GRIA1: variants seen among roughly 807,000 people sequenced by gnomAD.
GRIA1 encodes glutamate ionotropic receptor AMPA type subunit 1, also known as glutamate receptor 1.
In GRIA1, 31 loss-of-function variants were observed where a neutral mutation model predicts 99.2. That is an observed-to-expected ratio of 0.31 (90% CI 0.23 to 0.42). The LOEUF (loss-of-function observed/expected upper bound fraction) is 0.42. Ranked by LOEUF, GRIA1 falls within the 10% of genes least tolerant of loss-of-function variation. The pLI, the probability that GRIA1 is intolerant of heterozygous loss-of-function variation, is 1.00. For synonymous variants in GRIA1, 438 were observed against 432.4 expected (o/e 1.01, Z -0.16); for missense variants, 782 against 1,157.5 (o/e 0.68, Z 4.71).
intron 2 of GRIA1, among the ~76,000 whole-genome samples, chr5:153,595,512 C>A (rs141706371): frequency 6.6e-6 from 1 of 152,032 alleles, no homozygotes; most frequent in East Asian, 1.9e-4. Context: ...TCTTTGAGGG[C>A]AGAGTGTCTA....
chr5:153,777,513 A>T (rs1764335446), intron 13 of GRIA1, among the ~76,000 whole-genome samples: 1 of 152,128 alleles, frequency 6.6e-6, no homozygotes, highest in East Asian at 1.9e-4. Flanking sequence ...TGATGATCTG[A>T]TGAAATAGCA....
At chr5:153,610,707 C>T (rs576372100) in intron 2 of GRIA1, among the ~76,000 whole-genome samples, 1 of 152,272 alleles carries the variant, frequency 6.6e-6, no homozygotes, top group South Asian at 2.1e-4. Context: ...GCAATTTCCC[C>T]ATTTATAAAA....
intron 11 of GRIA1, among the ~76,000 whole-genome samples, chr5:153,756,660 G>C (rs1221138993): frequency 2.6e-5 from 4 of 152,076 alleles, no homozygotes; most frequent in African/African-American, 4.8e-5. Context: ...CTCTTCTCTA[G>C]GTCCAACCAA....
intron 2 of GRIA1, among the ~76,000 whole-genome samples, chr5:153,558,918 C>T (rs1468237062): frequency 6.6e-6 from 1 of 152,102 alleles, no homozygotes; most frequent in African/African-American, 2.4e-5. Context: ...GTGTTGGGTT[C>T]TTTAAGCTCT....
intron 11 of GRIA1, among the ~76,000 whole-genome samples, chr5:153,751,701 T>C (rs566575478): frequency 1.3e-4 from 20 of 152,260 alleles, no homozygotes; most frequent in Middle Eastern, 3.4e-3. Flanking sequence ...CTGCAATGAA[T>C]CCTAATCAAT....
At position 153,507,569 on chromosome 5, in the gene GRIA1, T is replaced by A. The variant is rs368669311; in HGVS notation, c.220+13504T>A. Among the ~76,000 whole-genome samples the A allele has an allele frequency of 3.1e-4, 47 of 152,334 alleles. No individual in the cohort carries two copies. The South Asian group carries it at 8.9e-3, about 29-fold the overall frequency. On this transcript the variant is annotated intron_variant, in intron 2 of 15. Transcript: ENST00000285900. The stretch of plus-strand genomic sequence containing the variant: ...TGGGTGTCTGGTTTCAACTTCTCCA[T>A]ATAATCAATATTATGTGTTGATTTC...
chr5:153,739,629 C>T (rs1244642693), intron 11 of GRIA1, among the ~76,000 whole-genome samples: 1 of 152,214 alleles, frequency 6.6e-6, no homozygotes, highest in Non-Finnish European at 1.5e-5. Flanking sequence ...AGCATACTCA[C>T]AGTAAATTAC....
At chr5:153,560,970 A>T (rs1761072968) in intron 2 of GRIA1, among the ~76,000 whole-genome samples, 1 of 151,658 alleles carries the variant, frequency 6.6e-6, no homozygotes, top group Admixed American at 6.6e-5. Flanking sequence ...TAGATCTGAG[A>T]CAAAGGAGCA....
At chr5:153,724,588 T>G (rs2149546294) in intron 11 of GRIA1, among the ~76,000 whole-genome samples, 1 of 152,304 alleles carries the variant, frequency 6.6e-6, no homozygotes, top group South Asian at 2.1e-4. Flanking sequence ...GCTTGAGAAC[T>G]ACGTGAAGAA....
intron 2 of GRIA1, among the ~76,000 whole-genome samples, chr5:153,600,265 G>A (rs944668048): frequency 9.2e-5 from 14 of 151,736 alleles, no homozygotes; most frequent in African/African-American, 3.1e-4. Context: ...GGTGGCGGGC[G>A]CCTGTAGTCC....
chr5:153,629,271 C>T (rs1752755122), intron 2 of GRIA1, among the ~76,000 whole-genome samples: 1 of 152,202 alleles, frequency 6.6e-6, no homozygotes, highest in African/African-American at 2.4e-5. Flanking sequence ...GCTCGTGCTT[C>T]CACAAGGCAT....
rs139999570 is a variant in GRIA1, at chr5:153,720,827, C to G, written c.1823+14760C>G. ...GAGCCCTCATGGCCAGTTCTGTATT[C>G]TCCTTAGTACCATAAAGAATACATA... On this transcript the variant is annotated intron_variant, in intron 11 of 15. Transcript: ENST00000285900. Among the ~76,000 whole-genome samples the G allele has an allele frequency of 8.3e-3, 1,257 of 152,314 alleles. 15 individuals are homozygous for G. The highest frequency in any genetic ancestry group is 0.028 in the African/African-American group (1,183 of 41,566).
intron 4 of GRIA1, among the ~76,000 whole-genome samples, chr5:153,653,447 T>G (rs1754716331): frequency 6.6e-6 from 1 of 152,104 alleles, no homozygotes; most frequent in Admixed American, 6.5e-5. Context: ...GAGTTTAGGG[T>G]TTATTCTGTA....
Position 153,698,870 on chromosome 5 carries a change from G to T in GRIA1, c.1249G>T (p.Asp417Tyr). ...TATCTCCCCATTTCTCTTCCAGGAA[G>T]ATCCTTATGTGATGCTCAAGAAGAA... ...RTYIVTTILE[D>Y]PYVMLKKNAN... Residue 417 changes from aspartate (D) to tyrosine (Y), a missense_variant, in exon 10 of 16, where the codon GAT becomes TAT. Physicochemically the swap from Asp to Tyr is radical, Grantham distance 160. This residue lies in a region of GRIA1 where 87 missense variants were observed against 184.5 expected (regional missense o/e 0.47). Coordinates refer to ENST00000285900, the MANE Select transcript of GRIA1 (RefSeq NM_000827.4). 2 of 1,607,868 alleles carry T rather than the reference G, an allele frequency of 1.2e-6. No homozygotes were observed. Among genetic ancestry groups the T allele is most frequent in the Non-Finnish European group, 1.7e-6 (2 of 1,174,238 alleles).
At chr5:153,682,472 A>G (rs1402955165) in intron 7 of GRIA1, among the ~76,000 whole-genome samples, 2 of 152,154 alleles carry the variant, frequency 1.3e-5, no homozygotes, top group East Asian at 3.9e-4. Context: ...TTTGGCAAAG[A>G]ACTTGCTAAG....
At chr5:153,505,393 G>T (rs559696265) in intron 2 of GRIA1, among the ~76,000 whole-genome samples, 14 of 152,256 alleles carry the variant, frequency 9.2e-5, no homozygotes, top group African/African-American at 3.4e-4. Flanking sequence ...TGTCACATTT[G>T]GTCATTTGAC....
Position 153,529,189 on chromosome 5 carries a change from G to A in GRIA1, c.220+35124G>A, listed in dbSNP as rs546896395. 4.6e-4 allele frequency among the ~76,000 whole-genome samples: 70 copies of A among 152,266 alleles called. No individual in the cohort carries two copies. The South Asian group carries it at 0.011, about 24-fold the overall frequency. ...GGCTATCTGTGCTTGCGTTCCAGGGGGTGAGTTACTGTCTTATATTGTCTG... is the reference window on the plus strand; with the variant it reads ...GGCTATCTGTGCTTGCGTTCCAGGGAGTGAGTTACTGTCTTATATTGTCTG... On this transcript the variant is annotated intron_variant, in intron 2 of 15. Coordinates refer to ENST00000285900, the MANE Select transcript of GRIA1 (RefSeq NM_000827.4).
At chr5:153,644,840 C>T (rs1057485426) in intron 2 of GRIA1, among the ~76,000 whole-genome samples, 3 of 151,626 alleles carry the variant, frequency 2.0e-5, no homozygotes, top group Non-Finnish European at 4.4e-5. Flanking sequence ...CAGAGTCTCC[C>T]ATGCAGAATG....
At chr5:153,546,401 C>T (rs1759622426) in intron 2 of GRIA1, among the ~76,000 whole-genome samples, 4 of 152,192 alleles carry the variant, frequency 2.6e-5, no homozygotes, top group Admixed American at 2.6e-4. Context: ...TGTTACCTTA[C>T]TTATCAGAAG....
Sources: allele counts gnomAD v4.1 joint callset (sites outside exome capture counted in the v4.1 genomes callset), GRCh38; gene constraint gnomAD v4.1.1; regional missense constraint gnomAD v4.1.1; transcripts MANE v1.5; gene names NCBI Gene and HGNC (gene_info 2026-07-23, HGNC 2026-07-21).